Variants in ZBTB38 observed in about 807,000 individuals in gnomAD.
The protein encoded by ZBTB38 is zinc finger and BTB domain containing 38.
Under a neutral mutation model 76.8 loss-of-function variants are expected in ZBTB38, and 20 were observed. That is an observed-to-expected ratio of 0.26 (90% CI 0.18 to 0.38). The LOEUF is 0.38. Among genes scored for constraint, ZBTB38 ranks in the 10% least tolerant of loss-of-function variants. ZBTB38 has a pLI of 1.00. For missense variants in ZBTB38, 1,082 were observed against 1,482.3 expected (o/e 0.73, Z 4.43); for synonymous variants, 504 against 544.2 (o/e 0.93, Z 1.03).
intron 1 of ZBTB38, among the ~76,000 whole-genome samples, chr3:141,331,210 A>G (rs1174323002): frequency 6.6e-6 from 1 of 152,222 alleles, no homozygotes; most frequent in Non-Finnish European, 1.5e-5. Flanking sequence ...AGCATGCACT[A>G]TGCAATGTGT....
intron 1 of ZBTB38, among the ~76,000 whole-genome samples, chr3:141,353,186 C>T (rs1943570038): frequency 3.3e-5 from 5 of 152,070 alleles, no homozygotes; most frequent in Admixed American, 3.3e-4. Context: ...TTCTCCTCCC[C>T]ATCAATCTCT....
intron 2 of ZBTB38, among the ~76,000 whole-genome samples, chr3:141,374,415 A>G (rs930913906): frequency 3.3e-5 from 5 of 152,140 alleles, no homozygotes; most frequent in Non-Finnish European, 7.4e-5. Flanking sequence ...GATTCCTGGC[A>G]TTCTATGGGG....
intron 4 of ZBTB38, chr3:141,389,300 AG>A (rs931625537): frequency 6.6e-6 from 1 of 152,150 alleles, no homozygotes; most frequent in Admixed American, 6.5e-5. Flanking sequence ...AATGGGCTGA[AG>A]GGTGGTGGTG....
intron 1 of ZBTB38, among the ~76,000 whole-genome samples, chr3:141,355,982 T>C (rs552213732): frequency 6.6e-6 from 1 of 152,242 alleles, no homozygotes; most frequent in Non-Finnish European, 1.5e-5. Context: ...GCTTTTTTGC[T>C]GGTAAGGCCG....
chr3:141,446,096 A>C lies in ZBTB38; in HGVS notation c.*120A>C. 1 of 937,158 alleles carries C rather than the reference A, an allele frequency of 1.1e-6. No individual in the cohort carries two copies. Among genetic ancestry groups the C allele is most frequent in the Non-Finnish European group, 1.5e-6 (1 of 682,798 alleles). The allele number at this position is 937,158 out of a possible 1,614,324, so 58.1% of individuals were successfully genotyped here. On this transcript the variant is annotated 3_prime_UTR_variant, in exon 6 of 6. Coordinates refer to ENST00000321464, the MANE Select transcript of ZBTB38 (RefSeq NM_001376113.1). Reference sequence around the variant, plus strand: ...AAGGAGTGAAATTAAAAAAAAAAAAAACTCATTTGTGAAAATTCCAGAAAA... The same window carrying C: ...AAGGAGTGAAATTAAAAAAAAAAAACACTCATTTGTGAAAATTCCAGAAAA...
chr3:141,399,913 A>G (rs567020897), intron 4 of ZBTB38, among the ~76,000 whole-genome samples: 1 of 151,532 alleles, frequency 6.6e-6, no homozygotes, highest in African/African-American at 2.4e-5. Context: ...AGGATAAGGA[A>G]GCATATTGTG....
chr3:141,330,837 C>T (rs1440102438), intron 1 of ZBTB38, among the ~76,000 whole-genome samples: 5 of 152,172 alleles, frequency 3.3e-5, no homozygotes, highest in South Asian at 2.1e-4. Context: ...CCTCGCCATG[C>T]GATGCCTTGT....
chr3:141,339,978 G>T (rs1943124698), intron 1 of ZBTB38, among the ~76,000 whole-genome samples: 1 of 152,198 alleles, frequency 6.6e-6, no homozygotes, highest in African/African-American at 2.4e-5. Flanking sequence ...AGCACTTTGT[G>T]CTTGGAGTAT....
Position 141,448,260 on chromosome 3 carries a change from ATATT to A in ZBTB38, c.*2288_*2291del, listed in dbSNP as rs1407190596. 6.6e-6 allele frequency: 1 copy of A among 152,642 alleles called. No homozygotes were observed. Among genetic ancestry groups the A allele is most frequent in the Non-Finnish European group, 1.5e-5 (1 of 68,018 alleles). The allele number at this position is 152,642 out of a possible 1,614,324, so 9.5% of individuals were successfully genotyped here. ...TCTAGACCAAAGTAAATATGGCAGA[ATATT>A]TATACATGAAAAAATAATTTTGCAA... is the stretch of plus-strand genomic sequence containing the variant. On this transcript the variant is annotated 3_prime_UTR_variant, in exon 6 of 6. Coordinates refer to ENST00000321464, the MANE Select transcript of ZBTB38 (RefSeq NM_001376113.1).
intron 5 of ZBTB38, among the ~76,000 whole-genome samples, chr3:141,407,101 A>G (rs1954788138): frequency 6.6e-6 from 1 of 152,260 alleles, no homozygotes. Context: ...CATACAAATT[A>G]AAGAATATCC....
chr3:141,443,882 A>G lies in ZBTB38; in HGVS notation c.1494A>G (p.Ala498=). 2 of 1,614,174 alleles carry G rather than the reference A, an allele frequency of 1.2e-6. No homozygotes were observed. Among genetic ancestry groups the G allele is most frequent in the Non-Finnish European group, 1.7e-6 (2 of 1,180,042 alleles). The change falls in exon 6 of 6, where the codon GCA becomes GCG. Residue 498 remains alanine, a synonymous_variant. Coordinates refer to ENST00000321464, the MANE Select transcript of ZBTB38 (RefSeq NM_001376113.1). This position sits in a 1 kb window ranked among gnomAD's most constrained non-coding sequence, Gnocchi z 5.6. ...YPCHYCNKVF[A]LAEYRTRHEI... ...GCCATTACTGCAACAAAGTATTTGCATTGGCTGAGTACAGGACAAGGCATG... is the reference window on the plus strand; with the variant it reads ...GCCATTACTGCAACAAAGTATTTGCGTTGGCTGAGTACAGGACAAGGCATG...
At chr3:141,436,566 C>T (rs1475408296) in intron 5 of ZBTB38, among the ~76,000 whole-genome samples, 3 of 152,108 alleles carry the variant, frequency 2.0e-5, no homozygotes, top group African/African-American at 4.8e-5. Context: ...GGCGTGATCT[C>T]GGCTCACTGC....
chr3:141,400,035 TATAAAG>T (rs1951451959), intron 4 of ZBTB38, among the ~76,000 whole-genome samples: 2 of 148,174 alleles, frequency 1.3e-5, no homozygotes, highest in Admixed American at 1.4e-4. Context: ...TGAGAAGTAT[TATAAAG>T]ATAGAGGAAA....
At chr3:141,353,170 T>A (rs1489786454) in intron 1 of ZBTB38, among the ~76,000 whole-genome samples, 1 of 152,086 alleles carries the variant, frequency 6.6e-6, no homozygotes, top group Non-Finnish European at 1.5e-5. Context: ...CCAGAGGCTC[T>A]CTCTTTTCTC....
At chr3:141,331,786 G>C (rs530669722) in intron 1 of ZBTB38, among the ~76,000 whole-genome samples, 1 of 152,190 alleles carries the variant, frequency 6.6e-6, no homozygotes, top group South Asian at 2.1e-4. Context: ...AGCGCTGACC[G>C]AGCCAGGAAG....
At chr3:141,362,117 A>G (rs1019689277) in intron 1 of ZBTB38, among the ~76,000 whole-genome samples, 2 of 152,196 alleles carry the variant, frequency 1.3e-5, no homozygotes, top group Non-Finnish European at 2.9e-5. Context: ...TGAAGGTATT[A>G]TACTAGAAGG....
Position 141,418,507 on chromosome 3 carries a change from T to C in ZBTB38, c.-1+14476T>C, listed in dbSNP as rs116450649. On this transcript the variant is annotated intron_variant, in intron 5 of 5. Coordinates refer to ENST00000321464, the MANE Select transcript of ZBTB38 (RefSeq NM_001376113.1). ...CATCAGTGAAGCACTCTCATCATCA[T>C]AGGAGCTGTCTGCACGTCTCTCTCC... Among the ~76,000 whole-genome samples, 1,343 of 152,294 alleles carry C rather than the reference T, an allele frequency of 8.8e-3. 14 individuals are homozygous for C. Among genetic ancestry groups the C allele is most frequent in the African/African-American group, 0.031 (1,276 of 41,550 alleles).
intron 4 of ZBTB38, chr3:141,387,930 T>G (rs1423376187): frequency 3.3e-5 from 5 of 152,196 alleles, no homozygotes; most frequent in Admixed American, 3.3e-4. Flanking sequence ...TTTTGAGCCA[T>G]GCAGCAAGAA....
At chr3:141,424,103 G>A (rs1291979786) in intron 5 of ZBTB38, among the ~76,000 whole-genome samples, 1 of 152,190 alleles carries the variant, frequency 6.6e-6, no homozygotes, top group Non-Finnish European at 1.5e-5. Context: ...GATTTAAGAG[G>A]ATAAGTCCAC....
Sources: gnomAD v4.1 joint callset for allele counts (sites outside exome capture counted in the v4.1 genomes callset) on GRCh38, gnomAD v4.1.1 for gene constraint, Gnocchi (gnomAD v3.1) non-coding constraint, MANE v1.5 for transcripts, NCBI Gene and HGNC (gene_info 2026-07-23, HGNC 2026-07-21) for gene names.